Variants in NRXN1 observed in about 807,000 individuals in gnomAD.
NRXN1 encodes the protein neurexin 1.
Under a neutral mutation model 150.9 loss-of-function variants are expected in NRXN1, and 39 were observed. The observed-to-expected ratio is 0.26, with a 90% confidence interval of 0.20 to 0.34. The LOEUF is 0.34. Among genes scored for constraint, NRXN1 ranks in the 10% least tolerant of loss-of-function variants. The pLI is 1.00. For synonymous variants in NRXN1, 924 were observed against 757.0 expected (o/e 1.22, Z -3.62); for missense variants, 1,815 against 1,949.9 (o/e 0.93, Z 1.30).
chr2:50,841,706 T>C (rs1293441757), intron 5 of NRXN1, among the ~76,000 whole-genome samples: 1 of 152,202 alleles, frequency 6.6e-6, no homozygotes, highest in Non-Finnish European at 1.5e-5. Context: ...ATTTCTGTTA[T>C]GTCTTTGGGA....
chr2:50,070,793 G>C (rs903456408), intron 19 of NRXN1, among the ~76,000 whole-genome samples: 40 of 133,678 alleles, frequency 3.0e-4, no homozygotes, highest in African/African-American at 4.0e-4. Flanking sequence ...AAAAAAACCT[G>C]TAATTGGCTC....
chr2:50,981,725 C>A (rs1380248618), intron 2 of NRXN1, among the ~76,000 whole-genome samples: 1 of 151,718 alleles, frequency 6.6e-6, no homozygotes, highest in Admixed American at 6.6e-5. Flanking sequence ...GAAATGATAA[C>A]CACCAACAAA....
At chr2:50,906,047 G>A (rs1683623723) in intron 5 of NRXN1, among the ~76,000 whole-genome samples, 1 of 152,078 alleles carries the variant, frequency 6.6e-6, no homozygotes, top group Admixed American at 6.6e-5. Context: ...TGGTTGAATG[G>A]TGTTATATAG....
intron 5 of NRXN1, among the ~76,000 whole-genome samples, chr2:50,914,100 T>C (rs1193964055): frequency 6.6e-6 from 1 of 151,730 alleles, no homozygotes; most frequent in East Asian, 1.9e-4. Context: ...TGCTTTTTAA[T>C]TCGAAGATTT....
At chr2:50,870,357 C>T (rs756702668) in intron 5 of NRXN1, among the ~76,000 whole-genome samples, 1 of 151,778 alleles carries the variant, frequency 6.6e-6, no homozygotes, top group Non-Finnish European at 1.5e-5. Context: ...GAGGTGGGTG[C>T]TCGTTATGTT....
intron 18 of NRXN1, among the ~76,000 whole-genome samples, chr2:50,187,923 C>T (rs371029740): frequency 6.6e-6 from 1 of 152,078 alleles, no homozygotes; most frequent in Non-Finnish European, 1.5e-5. Flanking sequence ...GATTTTTGCA[C>T]ATTGATTTTG....
chr2:50,758,425 G>C (rs187089266), intron 5 of NRXN1, among the ~76,000 whole-genome samples: 1 of 151,912 alleles, frequency 6.6e-6, no homozygotes, highest in East Asian at 2.0e-4. Flanking sequence ...TAAAGAACAA[G>C]AAACAAAGGC....
At chr2:50,515,858 G>C (rs1374906168) in intron 12 of NRXN1, among the ~76,000 whole-genome samples, 1 of 152,062 alleles carries the variant, frequency 6.6e-6, no homozygotes, top group African/African-American at 2.4e-5. Flanking sequence ...AGTCATAGTT[G>C]CTGGCAGCAG....
chr2:50,609,393 T>C (rs1454940805), intron 8 of NRXN1, among the ~76,000 whole-genome samples: 1 of 152,160 alleles, frequency 6.6e-6, no homozygotes, highest in Non-Finnish European at 1.5e-5. Context: ...GCATAGGTTA[T>C]AAGTCCATGA....
intron 10 of NRXN1, among the ~76,000 whole-genome samples, chr2:50,537,735 C>T (rs571893615): frequency 1.3e-5 from 2 of 152,134 alleles, no homozygotes; most frequent in Non-Finnish European, 2.9e-5. Flanking sequence ...GATTGAAAGT[C>T]AGCTTACTTT....
intron 5 of NRXN1, among the ~76,000 whole-genome samples, chr2:50,806,478 T>C (rs1667526095): frequency 6.6e-6 from 1 of 152,174 alleles, no homozygotes; most frequent in African/African-American, 2.4e-5. Context: ...TCAAGATTTG[T>C]TCAAATGTTT....
At chr2:50,513,514 A>T (rs1239748529) in intron 12 of NRXN1, among the ~76,000 whole-genome samples, 2 of 152,192 alleles carry the variant, frequency 1.3e-5, no homozygotes, top group Admixed American at 1.3e-4. Context: ...AATGTAAAAT[A>T]CACTTGCAAG....
intron 9 of NRXN1, 37 bp from the exon 10 acceptor site, chr2:50,538,673 A>T: frequency 7.1e-7 from 1 of 1,417,546 alleles, no homozygotes; most frequent in Non-Finnish European, 9.3e-7. Flanking sequence ...GGTCTTTAAA[A>T]AGCACCAACG....
chr2:50,434,154 G>C (rs1008095067), intron 17 of NRXN1, among the ~76,000 whole-genome samples: 10 of 148,210 alleles, frequency 6.7e-5, no homozygotes, highest in African/African-American at 1.0e-4. Flanking sequence ...CCGCCTCCCG[G>C]GTTCGCGCCA....
intron 17 of NRXN1, among the ~76,000 whole-genome samples, chr2:50,253,370 A>G (rs12713095): frequency 0.41 from 62,728 of 151,884 alleles, 13,177 homozygotes; most frequent in Middle Eastern, 0.46. Flanking sequence ...GAGACAGTTT[A>G]ACTTCCTTTC....
intron 5 of NRXN1, among the ~76,000 whole-genome samples, chr2:50,845,304 C>T (rs773763729): frequency 6.6e-6 from 1 of 152,168 alleles, no homozygotes; most frequent in Non-Finnish European, 1.5e-5. Flanking sequence ...CGAACACTTA[C>T]TATTTATTGA....
At chr2:50,058,413 T>C (rs1448898515) in intron 19 of NRXN1, among the ~76,000 whole-genome samples, 1 of 152,208 alleles carries the variant, frequency 6.6e-6, no homozygotes, top group Non-Finnish European at 1.5e-5. Context: ...TGTTTTAAAC[T>C]GAAGAACTTT....
chr2:50,625,772 A>G (rs977165752), intron 5 of NRXN1, among the ~76,000 whole-genome samples: 4 of 152,124 alleles, frequency 2.6e-5, no homozygotes, highest in African/African-American at 9.6e-5. Context: ...TAGAGATACC[A>G]ATCTTTCAGA....
intron 10 of NRXN1, among the ~76,000 whole-genome samples, chr2:50,536,140 A>C (rs903448068): frequency 1.3e-5 from 2 of 152,326 alleles, no homozygotes; most frequent in African/African-American, 4.8e-5. Flanking sequence ...GCAGAAGCCA[A>C]ATTTTGTGGT....
Sources: gnomAD v4.1 joint callset for allele counts (sites outside exome capture counted in the v4.1 genomes callset) on GRCh38, gnomAD v4.1.1 for gene constraint, MANE v1.5 for transcripts, NCBI Gene and HGNC (gene_info 2026-07-23, HGNC 2026-07-21) for gene names.